The following CTDSPL2 variants were observed in gnomAD, a reference collection of about 807,000 sequenced individuals.
The protein encoded by CTDSPL2 is CTD small phosphatase like 2.
CTDSPL2 carries 5 observed loss-of-function variants against 60.0 expected under a neutral mutation model. That is an observed-to-expected ratio of 0.08 (90% confidence interval 0.04 to 0.18). The LOEUF (loss-of-function observed/expected upper bound fraction) is 0.18, where lower values mean the gene tolerates loss of function less well. Among genes scored for constraint, CTDSPL2 ranks in the 10% least tolerant of loss-of-function variants. CTDSPL2 has a pLI of 1.00. For missense variants in CTDSPL2, 370 were observed against 548.8 expected (o/e 0.67, Z 3.26); for synonymous variants, 186 against 189.3 (o/e 0.98, Z 0.14).
In CTDSPL2 at chr15:44,524,210, A is replaced by G; in HGVS notation, c.*36A>G. ...TTGTCAAATCACTGAAGGGGGAGAGAATGCAGGACCCTTTTGGACTAAGAC... is the reference window on the plus strand; with the variant it reads ...TTGTCAAATCACTGAAGGGGGAGAGGATGCAGGACCCTTTTGGACTAAGAC... On this transcript the variant is annotated 3_prime_UTR_variant, in exon 13 of 13. Coordinates refer to ENST00000260327, the MANE Select transcript of CTDSPL2 (RefSeq NM_016396.3). The G allele has an allele frequency of 6.5e-7, 1 of 1,548,942 alleles. No individual in the cohort carries two copies. Among genetic ancestry groups the G allele is most frequent in the Non-Finnish European group, 8.9e-7 (1 of 1,121,472 alleles).
chr15:44,443,681 G>A (rs1217888542), intron 1 of CTDSPL2, among the ~76,000 whole-genome samples: 2 of 152,212 alleles, frequency 1.3e-5, no homozygotes, highest in African/African-American at 4.8e-5. Flanking sequence ...TGTCAAGTGT[G>A]TTTTCATGTG....
At chr15:44,436,867 T>G (rs1827067261) in intron 1 of CTDSPL2, among the ~76,000 whole-genome samples, 1 of 152,228 alleles carries the variant, frequency 6.6e-6, no homozygotes. Context: ...AGGTTGAGTA[T>G]CCCTCATCCA....
chr15:44,439,314 A>G (rs1374458287), intron 1 of CTDSPL2, among the ~76,000 whole-genome samples: 2 of 151,504 alleles, frequency 1.3e-5, no homozygotes, highest in Non-Finnish European at 2.9e-5. Context: ...ATGCCCGTCT[A>G]ATTTTTGTAT....
intron 1 of CTDSPL2, among the ~76,000 whole-genome samples, chr15:44,440,175 GTTTT>G (rs1036186806): frequency 1.4e-5 from 2 of 147,400 alleles, no homozygotes; most frequent in African/African-American, 2.5e-5. Flanking sequence ...GCATAAAGTT[GTTTT>G]TTTGTTTGTT....
At chr15:44,476,941 A>T (rs1442110268) in intron 2 of CTDSPL2, among the ~76,000 whole-genome samples, 1 of 152,270 alleles carries the variant, frequency 6.6e-6, no homozygotes, top group Non-Finnish European at 1.5e-5. Flanking sequence ...GCACAACACA[A>T]GGTTGGGCAC....
chr15:44,452,880 G>A (rs200640480), intron 1 of CTDSPL2, among the ~76,000 whole-genome samples: 1 of 151,768 alleles, frequency 6.6e-6, no homozygotes, highest in South Asian at 2.1e-4. Flanking sequence ...CTATTGGCTT[G>A]TTTTCTTATT....
intron 1 of CTDSPL2, among the ~76,000 whole-genome samples, chr15:44,446,009 T>C (rs2080206510): frequency 7.2e-6 from 1 of 139,848 alleles, no homozygotes; most frequent in Non-Finnish European, 1.5e-5. Flanking sequence ...CACTGCAGCC[T>C]CCACCTCCCG....
intron 8 of CTDSPL2, among the ~76,000 whole-genome samples, chr15:44,511,571 T>C (rs2081565590): frequency 6.6e-6 from 1 of 152,128 alleles, no homozygotes; most frequent in South Asian, 2.1e-4. Context: ...CTGAAATGCC[T>C]CAAAATCTGT....
chr15:44,462,700 CTTTTTTTTTTT>C (rs554319789), intron 2 of CTDSPL2, among the ~76,000 whole-genome samples: 3 of 83,740 alleles, frequency 3.6e-5, no homozygotes, highest in Non-Finnish European at 6.6e-5. Context: ...ACACTCAGGA[CTTTTTTTTTTT>C]TTTTTTTTTT....
intron 1 of CTDSPL2, among the ~76,000 whole-genome samples, chr15:44,436,381 T>C (rs1276470739): frequency 1.3e-5 from 2 of 152,192 alleles, no homozygotes; most frequent in Non-Finnish European, 2.9e-5. Flanking sequence ...CTTAATGAGG[T>C]TGCTGCAGGA....
intron 2 of CTDSPL2, among the ~76,000 whole-genome samples, chr15:44,470,929 A>T (rs1412784037): frequency 6.6e-6 from 1 of 151,914 alleles, no homozygotes; most frequent in Non-Finnish European, 1.5e-5. Context: ...TCCTATATTG[A>T]CTTCTCAAAA....
chr15:44,461,376 G>A (rs2080565317), intron 2 of CTDSPL2, among the ~76,000 whole-genome samples: 1 of 151,980 alleles, frequency 6.6e-6, no homozygotes, highest in South Asian at 2.1e-4. Flanking sequence ...TGTATGTTAT[G>A]TGTATTCTAT....
At chr15:44,439,400 C>G (rs572606226) in intron 1 of CTDSPL2, among the ~76,000 whole-genome samples, 1 of 151,928 alleles carries the variant, frequency 6.6e-6, no homozygotes, top group South Asian at 2.1e-4. Flanking sequence ...GCCTGCCCCC[C>G]CATCCCCAGC....
At position 44,527,404 on chromosome 15, in the gene CTDSPL2, G is replaced by A. The variant is rs1208726610; in HGVS notation, c.*3230G>A. 6.6e-6 allele frequency: 1 copy of A among 151,542 alleles called. No homozygotes were observed. Among genetic ancestry groups the A allele is most frequent in the Non-Finnish European group, 1.5e-5 (1 of 67,870 alleles). 9.4% of individuals were successfully genotyped at this position (151,542 alleles called of 1,614,324 possible). A position where few individuals can be genotyped will look rare whatever the true frequency, so the allele number is the denominator to read the frequency against. ...AGTTCGTTTCTCATTGTTTTGTTCT[G>A]TCAACTTGCCTGAAAAACAGAGACT... On this transcript the variant is annotated 3_prime_UTR_variant, in exon 13 of 13. Coordinates refer to ENST00000260327, the MANE Select transcript of CTDSPL2 (RefSeq NM_016396.3).
At chr15:44,522,482 G>A (rs879493016) in intron 12 of CTDSPL2, among the ~76,000 whole-genome samples, 10 of 152,164 alleles carry the variant, frequency 6.6e-5, no homozygotes, top group Non-Finnish European at 1.0e-4. Context: ...GCCGGGTGTG[G>A]TGGCTGATGC....
At chr15:44,453,546 G>A (rs2080372952) in intron 1 of CTDSPL2, among the ~76,000 whole-genome samples, 1 of 151,768 alleles carries the variant, frequency 6.6e-6, no homozygotes, top group Non-Finnish European at 1.5e-5. Context: ...TTTACACTAG[G>A]TATATCTCCC....
intron 2 of CTDSPL2, among the ~76,000 whole-genome samples, chr15:44,462,602 G>A (rs1489389672): frequency 2.0e-5 from 3 of 151,348 alleles, no homozygotes; most frequent in Non-Finnish European, 2.9e-5. Context: ...CTGGCTCACC[G>A]CTCACCTCCT....
Position 44,525,440 on chromosome 15 carries a change from G to A in CTDSPL2, c.*1266G>A, listed in dbSNP as rs1333545183. 2 of 398,720 alleles carry A rather than the reference G, an allele frequency of 5.0e-6. No homozygotes were observed. Among genetic ancestry groups the A allele is most frequent in the South Asian group, 1.3e-4 (1 of 7,868 alleles). The allele number at this position is 398,720 out of a possible 1,614,324, so 24.7% of individuals were successfully genotyped here. A position where few individuals can be genotyped will look rare whatever the true frequency, so the allele number is the denominator to read the frequency against. On this transcript the variant is annotated 3_prime_UTR_variant, in exon 13 of 13. Coordinates refer to ENST00000260327, the MANE Select transcript of CTDSPL2 (RefSeq NM_016396.3). ...ATCTCCTTTTCGGGAGGCTTTTTAT[G>A]GAAGGTAGAATTTGTAAAAGTTCGT...
chr15:44,498,550 C>T (rs1286954018), intron 7 of CTDSPL2, among the ~76,000 whole-genome samples: 1 of 151,780 alleles, frequency 6.6e-6, no homozygotes, highest in African/African-American at 2.4e-5. Context: ...TGTGCCACTG[C>T]ATTGCAGCCT....
Sources: allele counts gnomAD v4.1 joint callset (sites outside exome capture counted in the v4.1 genomes callset), GRCh38; gene constraint gnomAD v4.1.1; transcripts MANE v1.5; gene names NCBI Gene and HGNC (gene_info 2026-07-23, HGNC 2026-07-21).